Variants in CNKSR3 observed in about 807,000 individuals in gnomAD.
CNKSR3 encodes CNKSR family member 3.
Under a neutral mutation model 67.7 loss-of-function variants are expected in CNKSR3, and 36 were observed. That is an observed-to-expected ratio of 0.53 (90% confidence interval 0.41 to 0.70). CNKSR3 has a LOEUF of 0.70. Ranked by LOEUF, CNKSR3 falls within the 30% of genes least tolerant of loss-of-function variation. The pLI is 0.00. For synonymous variants in CNKSR3, 281 were observed against 271.4 expected (o/e 1.04, Z -0.35); for missense variants, 630 against 695.2 (o/e 0.91, Z 1.05).
At chr6:154,485,232 C>G (rs2114642941) in intron 1 of CNKSR3, among the ~76,000 whole-genome samples, 1 of 152,254 alleles carries the variant, frequency 6.6e-6, no homozygotes, top group Non-Finnish European at 1.5e-5. Flanking sequence ...GTCTAGGTAT[C>G]TTACAAATAT....
chr6:154,459,645 T>C (rs1014346645), intron 1 of CNKSR3, among the ~76,000 whole-genome samples: 1 of 152,236 alleles, frequency 6.6e-6, no homozygotes, highest in Non-Finnish European at 1.5e-5. Context: ...AACTCAACTT[T>C]CTTGTTAGTA....
At chr6:154,456,686 G>A (rs112461847) in intron 1 of CNKSR3, among the ~76,000 whole-genome samples, 1,365 of 115,790 alleles carry the variant, frequency 0.012, 22 homozygotes, top group African/African-American at 0.044. Flanking sequence ...CAGCCTAGGT[G>A]ACAAGAATGA....
At chr6:154,461,994 G>C (rs551057253) in intron 1 of CNKSR3, among the ~76,000 whole-genome samples, 1 of 152,370 alleles carries the variant, frequency 6.6e-6, no homozygotes, top group East Asian at 1.9e-4. Flanking sequence ...GGCCGAAACG[G>C]CTGGGGACAG....
chr6:154,407,882 A>C (rs928197139), intron 12 of CNKSR3, among the ~76,000 whole-genome samples: 1 of 150,936 alleles, frequency 6.6e-6, no homozygotes, highest in African/African-American at 2.4e-5. Context: ...GAAAAAAAAA[A>C]AAAAAAAAAA....
Position 154,399,325 on chromosome 6 carries a change from G to A in CNKSR3, c.*7029C>T, listed in dbSNP as rs1784692506. 6.6e-6 allele frequency: 1 copy of A among 152,218 alleles called. No homozygotes were observed. The highest frequency in any genetic ancestry group is 1.9e-4 in the East Asian group (1 of 5,202). 9.4% of individuals were successfully genotyped at this position (152,218 alleles called of 1,614,324 possible). On this transcript the variant is annotated 3_prime_UTR_variant, in exon 13 of 13. Coordinates refer to ENST00000607772, the MANE Select transcript of CNKSR3 (RefSeq NM_173515.4). ...TAGAGGCTGAGATGGAGTCAGTACT[G>A]CTACTACAGGAACACGAGTCAACAT... is the stretch of plus-strand genomic sequence containing the variant.
chr6:154,448,937 T>C (rs957895160), intron 2 of CNKSR3, among the ~76,000 whole-genome samples: 3 of 152,218 alleles, frequency 2.0e-5, no homozygotes, highest in Non-Finnish European at 2.9e-5. Flanking sequence ...CCAGCCTGAA[T>C]GCTGTCGAGT....
chr6:154,434,333 C>T (rs956942326), intron 4 of CNKSR3, among the ~76,000 whole-genome samples: 10 of 152,016 alleles, frequency 6.6e-5, no homozygotes, highest in African/African-American at 2.2e-4. Flanking sequence ...AAAAAAAAAT[C>T]GATACAACTA....
In CNKSR3 at chr6:154,402,789, A is replaced by G. The variant is rs1165416076; in HGVS notation, c.*3565T>C. On this transcript the variant is annotated 3_prime_UTR_variant, in exon 13 of 13. Coordinates refer to ENST00000607772, the MANE Select transcript of CNKSR3 (RefSeq NM_173515.4). ...CCCCTTTCCTGGTATTGAACTGCCAATGCAGCAGGTCTGAATTGGTAACTA... is the reference window on the plus strand; with the variant it reads ...CCCCTTTCCTGGTATTGAACTGCCAGTGCAGCAGGTCTGAATTGGTAACTA... 3 of 152,220 alleles carry G rather than the reference A, an allele frequency of 2.0e-5. No individual in the cohort carries two copies. The highest frequency in any genetic ancestry group is 7.2e-5 in the African/African-American group (3 of 41,460). The allele number at this position is 152,220 out of a possible 1,614,324, so 9.4% of individuals were successfully genotyped here.
rs1303175060 is a variant in CNKSR3, at chr6:154,400,940, T to C, written c.*5414A>G. 1.3e-5 allele frequency: 2 copies of C among 152,176 alleles called. No homozygotes were observed. The highest frequency in any genetic ancestry group is 2.9e-5 in the Non-Finnish European group (2 of 68,028). The allele number at this position is 152,176 out of a possible 1,614,324, so 9.4% of individuals were successfully genotyped here. A position where few individuals can be genotyped will look rare whatever the true frequency, so the allele number is the denominator to read the frequency against. On this transcript the variant is annotated 3_prime_UTR_variant, in exon 13 of 13. Transcript: ENST00000607772. ...CATATGCTATAGGCTACAAAATATA[T>C]ATTTAAATTCCCTTAGGTATTACCA...
intron 2 of CNKSR3, among the ~76,000 whole-genome samples, chr6:154,447,781 C>G (rs1260478487): frequency 6.6e-6 from 1 of 152,116 alleles, no homozygotes; most frequent in Admixed American, 6.5e-5. Flanking sequence ...TACATAGAAA[C>G]CTCTTTTATA....
Position 154,406,421 on chromosome 6 carries a change from T to TTCG in CNKSR3, c.1598_1600dup (p.Thr533dup). 1.9e-6 allele frequency: 3 copies of TTCG among 1,614,152 alleles called. No individual in the cohort carries two copies. Among genetic ancestry groups the TTCG allele is most frequent in the Non-Finnish European group, 1.7e-6 (2 of 1,180,008 alleles). On this transcript the variant is annotated inframe_insertion, in exon 13 of 13. Coordinates refer to ENST00000607772, the MANE Select transcript of CNKSR3 (RefSeq NM_173515.4). ...GAGGGACGGTTCTGTGGACGAGGAC[T>TTCG]TCGTAGCTGAGGAGCCAGATTTCTT...
chr6:154,407,649 C>T (rs1238475708), intron 12 of CNKSR3, among the ~76,000 whole-genome samples: 1 of 151,962 alleles, frequency 6.6e-6, no homozygotes, highest in Admixed American at 6.6e-5. Context: ...TACAGGTGCG[C>T]ACAACCACAC....
At chr6:154,453,472 A>G (rs1294437642) in intron 1 of CNKSR3, among the ~76,000 whole-genome samples, 1 of 152,222 alleles carries the variant, frequency 6.6e-6, no homozygotes. Context: ...GAATAGAAGC[A>G]TTGTAACCTC....
intron 1 of CNKSR3, among the ~76,000 whole-genome samples, chr6:154,464,794 C>T (rs931692502): frequency 5.9e-5 from 9 of 151,938 alleles, no homozygotes; most frequent in East Asian, 3.9e-4. Flanking sequence ...GCCACCAGTG[C>T]GCTCTCAAGA....
intron 6 of CNKSR3, among the ~76,000 whole-genome samples, chr6:154,428,447 C>T (rs532977851): frequency 6.6e-6 from 1 of 152,314 alleles, no homozygotes; most frequent in South Asian, 2.1e-4. Context: ...TATGCCACAA[C>T]TCCGAGGATG....
chr6:154,407,883 A>C (rs1358618863), intron 12 of CNKSR3, among the ~76,000 whole-genome samples: 2 of 150,990 alleles, frequency 1.3e-5, no homozygotes, highest in Non-Finnish European at 1.5e-5. Flanking sequence ...AAAAAAAAAA[A>C]AAAAAAAAAA....
At chr6:154,478,133 A>G (rs1382040312) in intron 1 of CNKSR3, among the ~76,000 whole-genome samples, 2 of 152,166 alleles carry the variant, frequency 1.3e-5, no homozygotes, top group Admixed American at 6.5e-5. Context: ...CCTGAATGAC[A>G]TGACCATATG....
intron 6 of CNKSR3, among the ~76,000 whole-genome samples, chr6:154,429,850 T>A (rs1254295296): frequency 6.6e-6 from 1 of 152,088 alleles, no homozygotes; most frequent in Non-Finnish European, 1.5e-5. Flanking sequence ...TCAACAACCC[T>A]CTGAGGAAAC....
chr6:154,488,655 CA>C (rs955683082), intron 1 of CNKSR3, among the ~76,000 whole-genome samples: 20 of 151,582 alleles, frequency 1.3e-4, no homozygotes, highest in African/African-American at 4.8e-4. Flanking sequence ...CAATTGATAC[CA>C]AAAAAAGTTA....
Sources: allele counts gnomAD v4.1 joint callset (sites outside exome capture counted in the v4.1 genomes callset), GRCh38; gene constraint gnomAD v4.1.1; transcripts MANE v1.5; gene names NCBI Gene and HGNC (gene_info 2026-07-23, HGNC 2026-07-21).